The following CCDC146 variants were observed in gnomAD, a reference collection of about 807,000 sequenced individuals.
The protein encoded by CCDC146 is coiled-coil domain-containing protein 146.
A neutral mutation model predicts 119.3 loss-of-function variants in CCDC146; 92 were observed. That is an observed-to-expected ratio of 0.77 (90% CI 0.65 to 0.92). The LOEUF (loss-of-function observed/expected upper bound fraction) is 0.92, where lower values mean the gene tolerates loss of function less well. CCDC146 is among the 40% of genes least tolerant of loss of function. The pLI, the probability that CCDC146 is intolerant of heterozygous loss-of-function variation, is 0.00. For missense variants in CCDC146, 1,000 were observed against 1,103.0 expected (o/e 0.91, Z 1.32); for synonymous variants, 372 against 371.8 (o/e 1.00, Z -0.01).
Position 77,286,856 on chromosome 7 carries a change from GT to G in CCDC146, c.2208del (p.Glu737ArgfsTer12). ...GAGAAACAGTTCGTAAAGCCTGATG[GT>G]GAGAATAGAGCTCGCTTCCTTCCAG... ...DLEKQFVKPDGENRARFLPGK... is the reference protein window; with the variant it reads ...DLEKQFVKPDXENRARFLPGK... On this transcript the variant is annotated frameshift_variant, in exon 16 of 19. Transcript: ENST00000285871. LOFTEE classifies it high-confidence loss of function. 1 of 1,613,980 alleles carries G rather than the reference GT, an allele frequency of 6.2e-7. No homozygotes were observed. Among genetic ancestry groups the G allele is most frequent in the Non-Finnish European group, 8.5e-7 (1 of 1,179,830 alleles).
intron 2 of CCDC146, among the ~76,000 whole-genome samples, chr7:77,203,203 A>G (rs2150439736): frequency 6.6e-6 from 1 of 152,088 alleles, no homozygotes; most frequent in South Asian, 2.1e-4. Context: ...CCAAGGCATG[A>G]TAGAAGCCAT....
At chr7:77,213,509 A>G (rs1042112006) in intron 2 of CCDC146, among the ~76,000 whole-genome samples, 2 of 152,154 alleles carry the variant, frequency 1.3e-5, no homozygotes, top group African/African-American at 4.8e-5. Flanking sequence ...CAGAGGTTAT[A>G]TGTACAGGTT....
chr7:77,282,881 C>A, intron 15 of CCDC146, 96 bp downstream of exon 15: 1 of 772,298 alleles, frequency 1.3e-6, no homozygotes, highest in Non-Finnish European at 2.2e-6. Flanking sequence ...CCAAGCCATA[C>A]TATTTCTGGG....
At position 77,286,807 on chromosome 7, in the gene CCDC146, T is replaced by C. The variant is rs1793856781; in HGVS notation, c.2158T>C (p.Cys720Arg). ...LAVLQIQFSQCTDRIKDLEKQ... is the reference protein window; with the variant it reads ...LAVLQIQFSQRTDRIKDLEKQ... ...GTTTTTTTCTTAATAGTTTTCACAG[T>C]GTACAGACAGAATTAAAGACCTGGA... The change falls in exon 16 of 19, where the codon TGT (cysteine) becomes CGT (arginine). Residue 720 changes from cysteine (C) to arginine (R), a missense_variant. Transcript: ENST00000285871. The C allele has an allele frequency of 6.2e-7, 1 of 1,613,694 alleles. No individual in the cohort carries two copies. The highest frequency in any genetic ancestry group is 8.5e-7 in the Non-Finnish European group (1 of 1,179,658).
At chr7:77,286,219 G>T (rs1195769486) in intron 15 of CCDC146, among the ~76,000 whole-genome samples, 2 of 152,180 alleles carry the variant, frequency 1.3e-5, no homozygotes, top group Non-Finnish European at 2.9e-5. Context: ...ACATTGCATG[G>T]CGAGAGAGGA....
At chr7:77,263,221 A>G (rs2150518990) in intron 9 of CCDC146, among the ~76,000 whole-genome samples, 1 of 152,256 alleles carries the variant, frequency 6.6e-6, no homozygotes, top group East Asian at 1.9e-4. Context: ...GCAGAGTCAT[A>G]TAACTCATTC....
chr7:77,197,006 A>T (rs1415602624), intron 2 of CCDC146: 1 of 1,438,420 alleles, frequency 7.0e-7, no homozygotes, highest in African/African-American at 1.4e-5. Context: ...AATAAAAGGA[A>T]GGCATTGGAT....
intron 15 of CCDC146, among the ~76,000 whole-genome samples, chr7:77,285,497 G>A (rs1030277867): frequency 6.6e-6 from 1 of 152,150 alleles, no homozygotes; most frequent in Non-Finnish European, 1.5e-5. Flanking sequence ...AATGCTACCT[G>A]TATCAGTCTT....
intron 2 of CCDC146, chr7:77,198,435 G>A (rs1005780322): frequency 4.2e-5 from 14 of 329,910 alleles, no homozygotes; most frequent in African/African-American, 1.3e-4. Context: ...CTGTTAGTTC[G>A]TGGGTGGAGT....
intron 2 of CCDC146, among the ~76,000 whole-genome samples, chr7:77,218,917 C>G (rs1015898302): frequency 6.6e-6 from 1 of 151,942 alleles, no homozygotes; most frequent in Non-Finnish European, 1.5e-5. Flanking sequence ...TTTAAAAAAA[C>G]TTGTGCACAC....
chr7:77,152,410 G>A (rs1314218669), intron 1 of CCDC146, among the ~76,000 whole-genome samples: 2 of 151,974 alleles, frequency 1.3e-5, no homozygotes, highest in Non-Finnish European at 2.9e-5. Flanking sequence ...AAGGGCCAGT[G>A]AAAGCCTGAG....
intron 2 of CCDC146, among the ~76,000 whole-genome samples, chr7:77,209,697 C>T (rs143125135): frequency 3.3e-5 from 5 of 152,326 alleles, no homozygotes; most frequent in Admixed American, 3.3e-4. Flanking sequence ...CCTGGACATC[C>T]GGGCATTTCC....
At chr7:77,202,559 G>T (rs1197596058) in intron 2 of CCDC146, among the ~76,000 whole-genome samples, 3 of 152,172 alleles carry the variant, frequency 2.0e-5, no homozygotes, top group African/African-American at 7.2e-5. Context: ...TAAGGGTAGA[G>T]AACTCCTCTG....
intron 17 of CCDC146, among the ~76,000 whole-genome samples, chr7:77,292,013 T>C (rs989074780): frequency 1.3e-5 from 2 of 151,336 alleles, no homozygotes. Flanking sequence ...AGAACACTCT[T>C]GGCTGGGCAC....
At chr7:77,293,314 TCCCAACAGTCGTTA>T in intron 18 of CCDC146, 114 bp downstream of exon 18, 1 of 1,084,374 alleles carries the variant, frequency 9.2e-7, no homozygotes. Context: ...CCACACACAG[TCCCAACAGTCGTTA>T]GAAGTGTATT....
intron 1 of CCDC146, among the ~76,000 whole-genome samples, chr7:77,159,945 A>G (rs1339823036): frequency 6.6e-6 from 1 of 152,164 alleles, no homozygotes; most frequent in Non-Finnish European, 1.5e-5. Context: ...TAATTTTTGT[A>G]TAAGGTGTAA....
chr7:77,235,190 C>G (rs1275194844), intron 2 of CCDC146, among the ~76,000 whole-genome samples: 1 of 151,930 alleles, frequency 6.6e-6, no homozygotes, highest in Non-Finnish European at 1.5e-5. Context: ...TAATCTGGGC[C>G]CTTTCCTCAT....
chr7:77,267,947 T>C (rs577183960), intron 9 of CCDC146, among the ~76,000 whole-genome samples: 4 of 152,144 alleles, frequency 2.6e-5, no homozygotes, highest in Non-Finnish European at 5.9e-5. Context: ...ACATCAGCAG[T>C]TGAATGCGCT....
At chr7:77,154,360 G>T (rs1791149038) in intron 1 of CCDC146, among the ~76,000 whole-genome samples, 2 of 151,876 alleles carry the variant, frequency 1.3e-5, no homozygotes, top group South Asian at 4.2e-4. Flanking sequence ...ACAACGTGCA[G>T]GTTTGTTTCA....
Sources: gnomAD v4.1 joint callset for allele counts (sites outside exome capture counted in the v4.1 genomes callset) on GRCh38, gnomAD v4.1.1 for gene constraint, MANE v1.5 for transcripts, NCBI Gene and HGNC (gene_info 2026-07-23, HGNC 2026-07-21) for gene names.